Variants in GAREM2 observed in about 807,000 individuals in gnomAD.
GAREM2 encodes GRB2 associated regulator of MAPK1 subtype 2.
GAREM2 carries 30 observed loss-of-function variants against 55.6 expected under a neutral mutation model. That is an observed-to-expected ratio of 0.54 (90% CI 0.40 to 0.73). GAREM2 has a LOEUF of 0.73. Among genes scored for constraint, GAREM2 ranks in the 30% least tolerant of loss-of-function variants. GAREM2 has a pLI of 0.00. For synonymous variants in GAREM2, 550 were observed against 569.1 expected, an observed-to-expected ratio of 0.97 and a Z score of 0.48; for missense variants, 1,075 against 1,257.7, an observed-to-expected ratio of 0.85 and a Z score of 2.20.
chr2:26,203,989 A>G, the GAREM2 span: 1 of 1,457,350 alleles, frequency 6.9e-7, no homozygotes, highest in Non-Finnish European at 9.6e-7. Flanking sequence ...AAACCCACCA[A>G]GCCACCACAA....
intron 2 of GAREM2, among the ~76,000 whole-genome samples, chr2:26,180,229 C>T (rs1399206517): frequency 1.3e-5 from 2 of 152,178 alleles, no homozygotes; most frequent in Non-Finnish European, 2.9e-5. Flanking sequence ...GACCTCTGCT[C>T]CTCTAACCCT....
intron 2 of GAREM2, among the ~76,000 whole-genome samples, chr2:26,178,121 C>A (rs538161768): frequency 2.6e-5 from 4 of 152,180 alleles, no homozygotes; most frequent in African/African-American, 9.6e-5. Flanking sequence ...CCTGTGTACT[C>A]CACCCCCCAA....
chr2:26,183,132 C>A (rs1178096293), intron 3 of GAREM2, 35 bp downstream of exon 3: 1 of 1,548,448 alleles, frequency 6.5e-7, no homozygotes, highest in Admixed American at 2.0e-5. Context: ...GGTGTCCCCA[C>A]ACTACTCCTT....
At chr2:26,186,900 G>A (rs1217629918) in intron 5 of GAREM2, among the ~76,000 whole-genome samples, 8 of 152,170 alleles carry the variant, frequency 5.3e-5, no homozygotes, top group Non-Finnish European at 7.3e-5. Context: ...GCTTGAACCC[G>A]GGAGGTGGAG....
At chr2:26,195,214 A>G in the GAREM2 span, 4 of 1,613,316 alleles carry the variant, frequency 2.5e-6, no homozygotes, top group South Asian at 1.1e-5. Flanking sequence ...ACGGGAGAGA[A>G]GTAGTGCATG....
intron 3 of GAREM2, among the ~76,000 whole-genome samples, chr2:26,183,816 A>G (rs1669133020): frequency 6.6e-6 from 1 of 152,234 alleles, no homozygotes; most frequent in East Asian, 1.9e-4. Flanking sequence ...TTATCCATCA[A>G]TTCATTTCTC....
At position 26,188,011 on chromosome 2, in the gene GAREM2, A is replaced by G; in HGVS notation, c.2379A>G (p.Gly793=). The G allele has an allele frequency of 6.7e-7, 1 of 1,485,448 alleles. No homozygotes were observed. The highest frequency in any genetic ancestry group is 9.0e-7 in the Non-Finnish European group (1 of 1,109,906). 92.0% of individuals were successfully genotyped at this position (1,485,448 alleles called of 1,614,324 possible). The change falls in exon 6 of 6, where the codon GGA becomes GGG. Residue 793 remains glycine (G), a synonymous_variant. Coordinates refer to ENST00000401533, the MANE Select transcript of GAREM2 (RefSeq NM_001168241.2). ...CCCGGGATGGAGCCACAGGCTTTGG[A>G]GTCCGAGATGCCTCCTCCTGGCAGC... ...ASPRDGATGF[G]VRDASSWQPP...
intron 2 of GAREM2, among the ~76,000 whole-genome samples, chr2:26,178,176 G>A (rs1348371922): frequency 6.6e-6 from 1 of 152,186 alleles, no homozygotes; most frequent in Middle Eastern, 3.2e-3. Context: ...TTTCTGACCT[G>A]GGGTTCTATC....
chr2:26,176,479 A>T lies in GAREM2; in HGVS notation c.248A>T (p.Tyr83Phe), dbSNP rs1052791678. 1 of 1,543,938 alleles carries T rather than the reference A, an allele frequency of 6.5e-7. No homozygotes were observed. Among genetic ancestry groups the T allele is most frequent in the African/African-American group, 1.4e-5 (1 of 72,826 alleles). Residue 83 changes from tyrosine (Y) to phenylalanine (F), a missense_variant, in exon 2 of 6, where the codon TAC becomes TTC. Tyr to Phe is a conservative substitution (Grantham distance 22). Transcript: ENST00000401533. Reference sequence around the variant, plus strand: ...CCCAAGATCGACATCCCCCTGCAGTACCCAGGTGTGTCCAGCCAGGACAGA... The same window carrying T: ...CCCAAGATCGACATCCCCCTGCAGTTCCCAGGTGTGTCCAGCCAGGACAGA... ...IGPKIDIPLQ[Y>F]PGKFKLLEQA...
chr2:26,198,386 T>G, the GAREM2 span, among the ~76,000 whole-genome samples: 1 of 151,928 alleles, frequency 6.6e-6, no homozygotes, highest in Non-Finnish European at 1.5e-5. Flanking sequence ...TTTTGTTTTT[T>G]TTTTTTAAAG....
chr2:26,191,855 G>T (rs1351359615), downstream of GAREM2, among the ~76,000 whole-genome samples: 5 of 152,224 alleles, frequency 3.3e-5, no homozygotes, highest in Non-Finnish European at 7.3e-5. Flanking sequence ...ACAGGGCCTG[G>T]TGCCGAGAAG....
chr2:26,195,218 G>A, the GAREM2 span: 2 of 1,613,192 alleles, frequency 1.2e-6, no homozygotes, highest in Non-Finnish European at 1.7e-6. Flanking sequence ...GAGAGAAGTA[G>A]TGCATGCCAA....
downstream of GAREM2, chr2:26,191,183 CTGT>C (rs1669485243): frequency 6.7e-7 from 1 of 1,490,220 alleles, no homozygotes; most frequent in African/African-American, 1.4e-5. Context: ...AGACACCACT[CTGT>C]TGGAGAACCA....
Position 26,176,352 on chromosome 2 carries a change from G to T in GAREM2, c.121G>T (p.Ala41Ser). Reference protein sequence around the residue: ...TLACLGPGEYAEGVSERDILL... With the variant: ...TLACLGPGEYSEGVSERDILL... ...CTCCTCCCCCTTCCCAGGGGAGTAC[G>T]CCGAGGGCGTCAGTGAGCGAGACAT... Residue 41 changes from alanine to serine, a missense_variant, in exon 2 of 6, where the codon GCC becomes TCC. Physicochemically the swap from Ala to Ser is moderately conservative, Grantham distance 99. This residue lies in a region of GAREM2 where 230 missense variants were observed against 310.6 expected (regional missense o/e 0.74). Transcript: ENST00000401533. The T allele has an allele frequency of 6.5e-7, 1 of 1,543,610 alleles. No homozygotes were observed. Among genetic ancestry groups the T allele is most frequent in the Non-Finnish European group, 8.8e-7 (1 of 1,142,428 alleles).
chr2:26,197,738 C>T, the GAREM2 span: 1 of 1,561,890 alleles, frequency 6.4e-7, no homozygotes, highest in Non-Finnish European at 8.8e-7. Flanking sequence ...ATTGGGAGAG[C>T]AGATGTGTTA....
the GAREM2 span, among the ~76,000 whole-genome samples, chr2:26,198,461 C>T: frequency 1.3e-4 from 19 of 151,064 alleles, no homozygotes; most frequent in African/African-American, 3.9e-4. Flanking sequence ...CTGCAACCTC[C>T]GCCTCCCAGT....
chr2:26,200,054 C>T, the GAREM2 span, among the ~76,000 whole-genome samples: 1 of 152,180 alleles, frequency 6.6e-6, no homozygotes, highest in African/African-American at 2.4e-5. Flanking sequence ...ACAACCGAAA[C>T]GGGGTGGTCT....
At chr2:26,202,548 C>T in the GAREM2 span, among the ~76,000 whole-genome samples, 2 of 152,284 alleles carry the variant, frequency 1.3e-5, no homozygotes, top group African/African-American at 4.8e-5. Flanking sequence ...CAAGACAAGC[C>T]TAACCAACAT....
chr2:26,187,782 T>A lies in GAREM2; in HGVS notation c.2150T>A (p.Leu717Gln), dbSNP rs982326710. ...GGCAGTTCTCCAGAGCCTGAGCTGC[T>A]GCGTTCTCAGGAGCCCAGAGCAGTG... ...GQGSSPEPELLRSQEPRAVGT... is the reference protein window; with the variant it reads ...GQGSSPEPELQRSQEPRAVGT... Residue 717 changes from leucine to glutamine, a missense_variant, in exon 6 of 6, where the codon CTG becomes CAG. Around this residue, in one of 6 missense-constraint regions of GAREM2, gnomAD observed 515 missense variants for 501.5 expected, o/e 1.03. Coordinates refer to ENST00000401533, the MANE Select transcript of GAREM2 (RefSeq NM_001168241.2). 6.9e-7 allele frequency: 1 copy of A among 1,446,816 alleles called. No individual in the cohort carries two copies. 89.6% of individuals were successfully genotyped at this position (1,446,816 alleles called of 1,614,324 possible).
Sources: allele counts gnomAD v4.1 joint callset (sites outside exome capture counted in the v4.1 genomes callset), GRCh38; gene constraint gnomAD v4.1.1; regional missense constraint gnomAD v4.1.1; transcripts MANE v1.5; gene names NCBI Gene and HGNC (gene_info 2026-07-23, HGNC 2026-07-21).